Variants in LRRC4C observed in about 807,000 individuals in gnomAD.
The protein encoded by LRRC4C is leucine rich repeat containing 4C.
In LRRC4C, 5 loss-of-function variants were observed where a neutral mutation model predicts 33.6. The ratio of observed to expected loss-of-function variants is 0.15; its 90% confidence interval spans 0.08 to 0.31. The LOEUF (loss-of-function observed/expected upper bound fraction) is 0.31, where lower values mean the gene tolerates loss of function less well. Ranked by LOEUF, LRRC4C falls within the 10% of genes least tolerant of loss-of-function variation. The pLI is 1.00. For missense variants in LRRC4C, 560 were observed against 796.7 expected (o/e 0.70, Z 3.58); for synonymous variants, 329 against 302.0 (o/e 1.09, Z -0.93).
At chr11:40,253,726 G>T (rs1228479903) in intron 4 of LRRC4C, among the ~76,000 whole-genome samples, 3 of 152,106 alleles carry the variant, frequency 2.0e-5, no homozygotes, top group African/African-American at 7.2e-5. Context: ...CCAAATCCTG[G>T]CTCGACGTAA....
intron 1 of LRRC4C, among the ~76,000 whole-genome samples, chr11:40,987,550 T>G (rs2137184951): frequency 6.7e-6 from 1 of 150,276 alleles, no homozygotes; most frequent in African/African-American, 2.4e-5. Flanking sequence ...TTGAATCTAG[T>G]ATCGGAGCAT....
At chr11:41,416,571 G>A (rs776337022) in intron 1 of LRRC4C, among the ~76,000 whole-genome samples, 3 of 151,846 alleles carry the variant, frequency 2.0e-5, no homozygotes, top group African/African-American at 4.8e-5. Context: ...TTCATGTTAC[G>A]GACACTTTAC....
chr11:40,928,675 T>A (rs1201797193), intron 2 of LRRC4C, among the ~76,000 whole-genome samples: 1 of 152,174 alleles, frequency 6.6e-6, no homozygotes, highest in Non-Finnish European at 1.5e-5. Flanking sequence ...CTAAATTTAA[T>A]TATTAAATTA....
At chr11:40,450,887 G>T (rs1951853287) in intron 3 of LRRC4C, among the ~76,000 whole-genome samples, 1 of 151,616 alleles carries the variant, frequency 6.6e-6, no homozygotes, top group African/African-American at 2.4e-5. Flanking sequence ...ACATGTGGAA[G>T]TTAAACAATA....
intron 1 of LRRC4C, among the ~76,000 whole-genome samples, chr11:40,965,850 G>A (rs1044046886): frequency 3.0e-4 from 46 of 151,754 alleles, no homozygotes; most frequent in African/African-American, 1.0e-3. Context: ...TTGGTGATGC[G>A]GGCTCTTTTT....
chr11:41,059,804 C>A (rs1244454470), intron 1 of LRRC4C, among the ~76,000 whole-genome samples: 1 of 152,110 alleles, frequency 6.6e-6, no homozygotes, highest in African/African-American at 2.4e-5. Context: ...AAAGGTGGAT[C>A]ACTTGAGGTC....
chr11:40,580,607 C>T (rs1319663407), intron 3 of LRRC4C, among the ~76,000 whole-genome samples: 1 of 151,898 alleles, frequency 6.6e-6, no homozygotes, highest in African/African-American at 2.4e-5. Context: ...TGTGCTAATC[C>T]TCTTCATAGA....
intron 5 of LRRC4C, among the ~76,000 whole-genome samples, chr11:40,197,423 A>G (rs1862350074): frequency 6.6e-6 from 1 of 152,228 alleles, no homozygotes; most frequent in East Asian, 1.9e-4. Flanking sequence ...TCTTATTAAA[A>G]CGGTGATTGC....
At position 41,454,765 on chromosome 11, in the gene LRRC4C, T is replaced by A. The variant is rs145495485; in HGVS notation, c.-496+4666A>T. Among the ~76,000 whole-genome samples, 495 of 152,282 alleles carry A rather than the reference T, an allele frequency of 3.3e-3. 10 individuals are homozygous for A. Among genetic ancestry groups the A allele is most frequent in the Non-Finnish European group, 6.5e-4 (44 of 68,016 alleles). On this transcript the variant is annotated intron_variant, in intron 1 of 6. Transcript: ENST00000528697. ...GAAATACAGCTTTCAGAATATAGCT[T>A]TCTGTCTCCAATTTTATTTGGCACT...
chr11:40,477,989 T>C (rs911851886), intron 3 of LRRC4C, among the ~76,000 whole-genome samples: 4 of 152,144 alleles, frequency 2.6e-5, no homozygotes, highest in African/African-American at 9.7e-5. Context: ...AAATGGGAGT[T>C]TCCCTGCACA....
At chr11:40,380,901 ATCT>A (rs1565332335) in intron 3 of LRRC4C, among the ~76,000 whole-genome samples, 1 of 152,208 alleles carries the variant, frequency 6.6e-6, no homozygotes, top group Non-Finnish European at 1.5e-5. Context: ...AAGAAAAATG[ATCT>A]TCTACCTATC....
intron 3 of LRRC4C, among the ~76,000 whole-genome samples, chr11:40,554,034 T>C (rs1957232899): frequency 6.6e-6 from 1 of 152,160 alleles, no homozygotes; most frequent in Admixed American, 6.6e-5. Flanking sequence ...TTCTGAAGAG[T>C]ATTATGTAGG....
At chr11:40,984,032 A>G (rs1469948443) in intron 1 of LRRC4C, among the ~76,000 whole-genome samples, 1 of 152,154 alleles carries the variant, frequency 6.6e-6, no homozygotes, top group East Asian at 1.9e-4. Flanking sequence ...TCTCATAAAG[A>G]TGAGCAAGCT....
intron 1 of LRRC4C, among the ~76,000 whole-genome samples, chr11:41,306,520 G>C (rs568789062): frequency 5.9e-5 from 9 of 152,312 alleles, no homozygotes; most frequent in Middle Eastern, 6.8e-3. Context: ...TACACACTGC[G>C]CATATACTAC....
At chr11:40,576,454 C>T (rs1011396493) in intron 3 of LRRC4C, among the ~76,000 whole-genome samples, 14 of 152,254 alleles carry the variant, frequency 9.2e-5, no homozygotes, top group East Asian at 5.8e-4. Context: ...AGAGTGTATT[C>T]CTTAATGATA....
At chr11:41,294,445 A>C (rs1274440222) in intron 1 of LRRC4C, among the ~76,000 whole-genome samples, 1 of 152,168 alleles carries the variant, frequency 6.6e-6, no homozygotes, top group Non-Finnish European at 1.5e-5. Flanking sequence ...TTCCTTCCTC[A>C]ACCTTAGGAA....
chr11:40,874,251 G>T (rs907408230), intron 2 of LRRC4C, among the ~76,000 whole-genome samples: 1 of 152,192 alleles, frequency 6.6e-6, no homozygotes, highest in Non-Finnish European at 1.5e-5. Context: ...GAATCAAGAT[G>T]TATAGGGTTT....
intron 3 of LRRC4C, among the ~76,000 whole-genome samples, chr11:40,532,910 AC>A (rs1956327389): frequency 1.3e-5 from 2 of 152,110 alleles, no homozygotes; most frequent in Non-Finnish European, 2.9e-5. Flanking sequence ...AAAGCAAGGC[AC>A]CTTCTTCACA....
At chr11:41,031,886 G>A (rs1047802249) in intron 1 of LRRC4C, among the ~76,000 whole-genome samples, 1 of 152,004 alleles carries the variant, frequency 6.6e-6, no homozygotes. Flanking sequence ...GCCAGAAGCT[G>A]TCTCTGGGTG....
Sources: gnomAD v4.1 joint callset for allele counts (sites outside exome capture counted in the v4.1 genomes callset) on GRCh38, gnomAD v4.1.1 for gene constraint, MANE v1.5 for transcripts, NCBI Gene and HGNC (gene_info 2026-07-23, HGNC 2026-07-21) for gene names.